Variants in L3MBTL4 observed in about 807,000 individuals in gnomAD.
L3MBTL4 encodes the protein L3MBTL histone methyl-lysine binding protein 4, also known as lethal(3)malignant brain tumor-like protein 4.
A neutral mutation model predicts 84.5 loss-of-function variants in L3MBTL4; 70 were observed. That is an observed-to-expected ratio of 0.83 (90% CI 0.68 to 1.01). L3MBTL4 has a LOEUF of 1.01. Among genes scored for constraint, L3MBTL4 ranks in the 50% least tolerant of loss-of-function variants. The probability of loss-of-function intolerance (pLI) is 0.00; values close to 1 mark genes in which losing one functional copy is unlikely to be tolerated. For synonymous variants in L3MBTL4, 274 were observed against 259.8 expected (o/e 1.05, Z -0.52); for missense variants, 715 against 754.8 (o/e 0.95, Z 0.62).
At chr18:6,204,730 C>A (rs2145698338) in intron 12 of L3MBTL4, among the ~76,000 whole-genome samples, 1 of 152,268 alleles carries the variant, frequency 6.6e-6, no homozygotes, top group South Asian at 2.1e-4. Flanking sequence ...CACAATGCTC[C>A]CTGCATTTGC....
chr18:6,353,803 G>C (rs1415331816), intron 1 of L3MBTL4, among the ~76,000 whole-genome samples: 1 of 137,364 alleles, frequency 7.3e-6, no homozygotes, highest in Non-Finnish European at 1.5e-5. Flanking sequence ...AAAATGGAAA[G>C]ATATTCCATT....
chr18:6,081,213 T>C (rs1429120408), intron 15 of L3MBTL4: 3 of 307,092 alleles, frequency 9.8e-6, no homozygotes, highest in African/African-American at 2.2e-5. Flanking sequence ...CAAAACTCTC[T>C]GGAGAATAAT....
rs2095219124 is a variant in L3MBTL4 at position 5,954,998 on chromosome 18, ACATTCTTAATGAAG to A, written c.*1208_*1221del. On this transcript the variant is annotated 3_prime_UTR_variant, in exon 19 of 19. Transcript: ENST00000317931. ...GCAGAATCAACTTTCTTAAACCTTA[ACATTCTTAATGAAG>A]CAAGTGGACATAGAACCTCTCCCTC... 1 of 152,192 alleles carries A rather than the reference ACATTCTTAATGAAG, an allele frequency of 6.6e-6. No homozygotes were observed. Among genetic ancestry groups the A allele is most frequent in the Non-Finnish European group, 1.5e-5 (1 of 68,028 alleles). 9.4% of individuals were successfully genotyped at this position (152,192 alleles called of 1,614,324 possible).
chr18:6,297,020 T>C (rs546570829), intron 4 of L3MBTL4, among the ~76,000 whole-genome samples: 16 of 152,142 alleles, frequency 1.1e-4, no homozygotes, highest in Non-Finnish European at 2.2e-4. Flanking sequence ...TCTAAGTCAA[T>C]CTTCAAGTGG....
Position 5,955,627 on chromosome 18 carries a change from A to G in L3MBTL4, c.*593T>C, listed in dbSNP as rs1338180103. On this transcript the variant is annotated 3_prime_UTR_variant, in exon 19 of 19. Coordinates refer to ENST00000317931, the MANE Select transcript of L3MBTL4 (RefSeq NM_001330559.2). ...AGCACAACCAAGAAATGGTTAATGG[A>G]ACAAAAAGGAGAATTAATGAATCAT... The G allele has an allele frequency of 6.6e-6, 1 of 152,244 alleles. No individual in the cohort carries two copies. Among genetic ancestry groups the G allele is most frequent in the Non-Finnish European group, 1.5e-5 (1 of 68,054 alleles). The allele number at this position is 152,244 out of a possible 1,614,324, so 9.4% of individuals were successfully genotyped here. A position where few individuals can be genotyped will look rare whatever the true frequency, so the allele number is the denominator to read the frequency against.
At chr18:6,030,678 A>T (rs1331570716) in intron 16 of L3MBTL4, 1 of 956,498 alleles carries the variant, frequency 1.0e-6, no homozygotes, top group Non-Finnish European at 1.2e-6. Flanking sequence ...TTTGTCAAAT[A>T]AAAAAATTTG....
intron 12 of L3MBTL4, among the ~76,000 whole-genome samples, chr18:6,205,246 G>C (rs2045823167): frequency 6.6e-6 from 1 of 152,144 alleles, no homozygotes; most frequent in Admixed American, 6.5e-5. Flanking sequence ...GGAGAAAGGG[G>C]CCAGAAGCCA....
intron 14 of L3MBTL4, among the ~76,000 whole-genome samples, chr18:6,101,928 C>G (rs1361162835): frequency 6.6e-6 from 1 of 152,168 alleles, no homozygotes; most frequent in Non-Finnish European, 1.5e-5. Flanking sequence ...TTGAAAGACC[C>G]CTTCCATCTG....
chr18:5,977,066 A>G (rs1278433198), intron 16 of L3MBTL4, among the ~76,000 whole-genome samples: 1 of 152,126 alleles, frequency 6.6e-6, no homozygotes, highest in African/African-American at 2.4e-5. Flanking sequence ...GTCAGGCTTT[A>G]CAACAGCTCT....
At chr18:6,064,938 G>T (rs1444488128) in intron 16 of L3MBTL4, among the ~76,000 whole-genome samples, 3 of 151,974 alleles carry the variant, frequency 2.0e-5, no homozygotes, top group African/African-American at 7.2e-5. Flanking sequence ...AGTTCTCAGG[G>T]GGAATGCTTT....
chr18:6,113,369 G>A (rs927795370), intron 14 of L3MBTL4, among the ~76,000 whole-genome samples: 6 of 147,364 alleles, frequency 4.1e-5, no homozygotes, highest in Non-Finnish European at 7.4e-5. Flanking sequence ...GTAAAAGAAG[G>A]CTTATTCAAA....
intron 16 of L3MBTL4, among the ~76,000 whole-genome samples, chr18:5,986,360 A>G (rs768025619): frequency 2.0e-5 from 3 of 152,222 alleles, no homozygotes; most frequent in Non-Finnish European, 2.9e-5. Context: ...TGAGGTGGGA[A>G]TCAAACCCGG....
At chr18:6,215,007 A>T (rs972137806) in intron 11 of L3MBTL4, among the ~76,000 whole-genome samples, 2 of 152,174 alleles carry the variant, frequency 1.3e-5, no homozygotes, top group African/African-American at 4.8e-5. Context: ...AATTATAATC[A>T]ATTTTTTCAA....
chr18:5,972,349 G>C (rs1026802375), intron 16 of L3MBTL4, among the ~76,000 whole-genome samples: 2 of 152,194 alleles, frequency 1.3e-5, no homozygotes, highest in Non-Finnish European at 2.9e-5. Context: ...GGAGTCCCTG[G>C]ATAGGGAATC....
intron 12 of L3MBTL4, among the ~76,000 whole-genome samples, chr18:6,195,030 A>C (rs774183465): frequency 6.6e-6 from 1 of 152,228 alleles, no homozygotes; most frequent in Non-Finnish European, 1.5e-5. Flanking sequence ...TGTAGAATGA[A>C]GGGAATGATA....
At position 6,239,906 on chromosome 18, in the gene L3MBTL4, A is replaced by G. The variant is rs778907168; in HGVS notation, c.553-34T>C. The G allele has an allele frequency of 8.7e-5, 141 of 1,612,316 alleles. 3 individuals are homozygous for G. The South Asian group carries it at 1.3e-3, about 15-fold the overall frequency. On this transcript the variant is annotated intron_variant, in intron 8 of 18. Coordinates refer to ENST00000317931, the MANE Select transcript of L3MBTL4 (RefSeq NM_001330559.2). ...GCACCAGCAGGGGAAGAAGCACAAA[A>G]AGAAACAGGACACCAAATAGGACTG... is the stretch of plus-strand genomic sequence containing the variant.
intron 16 of L3MBTL4, among the ~76,000 whole-genome samples, chr18:6,039,649 C>T (rs1309893450): frequency 6.6e-6 from 1 of 152,212 alleles, no homozygotes; most frequent in Non-Finnish European, 1.5e-5. Context: ...CCTCTTCCAT[C>T]CTGTTTCCTG....
In L3MBTL4 at chr18:6,207,940, G is replaced by A. The variant is rs1231705078; in HGVS notation, c.981+5209C>T. ...GGCAACACTGCAAACCCCCATCTCC[G>A]CAAAGAAAAAAAAAATTAACAAAAA... On this transcript the variant is annotated intron_variant, in intron 12 of 18. Coordinates refer to ENST00000317931, the MANE Select transcript of L3MBTL4 (RefSeq NM_001330559.2). Among the ~76,000 whole-genome samples the A allele has an allele frequency of 8.8e-4, 133 of 150,876 alleles. 2 individuals are homozygous for A. The highest frequency in any genetic ancestry group is 2.0e-4 in the East Asian group (1 of 5,124).
At chr18:6,173,806 T>C (rs540427886) in intron 12 of L3MBTL4, among the ~76,000 whole-genome samples, 25 of 152,132 alleles carry the variant, frequency 1.6e-4, no homozygotes, top group African/African-American at 5.5e-4. Context: ...AAAAAGTCCA[T>C]GGGAGGTTAT....
Sources: gnomAD v4.1 joint callset for allele counts (sites outside exome capture counted in the v4.1 genomes callset) on GRCh38, gnomAD v4.1.1 for gene constraint, MANE v1.5 for transcripts, NCBI Gene and HGNC (gene_info 2026-07-23, HGNC 2026-07-21) for gene names.